UBAC2: variants seen among roughly 807,000 people sequenced by gnomAD.
UBAC2 encodes UBA domain containing 2.
UBAC2 carries 26 observed loss-of-function variants against 44.0 expected under a neutral mutation model. The ratio of observed to expected loss-of-function variants is 0.59; its 90% CI spans 0.43 to 0.82. The LOEUF is 0.82. Among genes scored for constraint, UBAC2 ranks in the 40% least tolerant of loss-of-function variants. UBAC2 has a pLI of 0.00. For missense variants in UBAC2, 329 were observed against 419.4 expected, an observed-to-expected ratio of 0.78 and a Z score of 1.88; for synonymous variants, 155 against 154.3, an observed-to-expected ratio of 1.00 and a Z score of -0.04.
intron 6 of UBAC2, among the ~76,000 whole-genome samples, chr13:99,325,433 A>G (rs530238308): frequency 1.3e-5 from 2 of 152,186 alleles, no homozygotes; most frequent in African/African-American, 4.8e-5. Context: ...ATAGCTTTGC[A>G]TAACCACATG....
intron 1 of UBAC2, among the ~76,000 whole-genome samples, chr13:99,222,032 G>A (rs1030078527): frequency 2.0e-5 from 3 of 152,088 alleles, no homozygotes; most frequent in African/African-American, 7.2e-5. Context: ...GTTATTTTGA[G>A]GTTTAAACCG....
chr13:99,316,017 ACACAGCT>A (rs2044484133), intron 5 of UBAC2, among the ~76,000 whole-genome samples: 1 of 151,892 alleles, frequency 6.6e-6, no homozygotes, highest in African/African-American at 2.4e-5. Flanking sequence ...CCACAGTGTT[ACACAGCT>A]CACCATGAGG....
intron 7 of UBAC2, among the ~76,000 whole-genome samples, chr13:99,350,238 T>C (rs1469566195): frequency 6.6e-6 from 1 of 152,376 alleles, no homozygotes; most frequent in Non-Finnish European, 1.5e-5. Context: ...CTGAAACAGT[T>C]GTGCCTTCAG....
At chr13:99,237,215 T>TG (rs2043243951) in intron 1 of UBAC2, among the ~76,000 whole-genome samples, 1 of 149,218 alleles carries the variant, frequency 6.7e-6, no homozygotes, top group Non-Finnish European at 1.5e-5. Context: ...TTCCAATGAA[T>TG]GGGAAAAAAA....
intron 1 of UBAC2, among the ~76,000 whole-genome samples, chr13:99,238,224 C>T (rs1185695006): frequency 1.3e-5 from 2 of 152,198 alleles, no homozygotes; most frequent in East Asian, 1.9e-4. Flanking sequence ...CCTGCTAGGG[C>T]ATTCTGCTTG....
intron 4 of UBAC2, among the ~76,000 whole-genome samples, chr13:99,269,205 G>T (rs1266867962): frequency 6.6e-6 from 1 of 152,164 alleles, no homozygotes; most frequent in African/African-American, 2.4e-5. Context: ...CACAAATGGA[G>T]TGCCTATGAA....
chr13:99,360,272 G>T (rs1375157070), intron 7 of UBAC2, among the ~76,000 whole-genome samples: 1 of 152,152 alleles, frequency 6.6e-6, no homozygotes, highest in Non-Finnish European at 1.5e-5. Flanking sequence ...AAAGTATAAG[G>T]CCAAGTAGTA....
At chr13:99,230,830 C>G (rs901626028) in intron 1 of UBAC2, among the ~76,000 whole-genome samples, 2 of 152,162 alleles carry the variant, frequency 1.3e-5, no homozygotes, top group Non-Finnish European at 2.9e-5. Flanking sequence ...GCGGGTGGAT[C>G]ATGAGGTCAG....
chr13:99,271,913 G>A (rs933465679), intron 4 of UBAC2, among the ~76,000 whole-genome samples: 8 of 152,150 alleles, frequency 5.3e-5, no homozygotes, highest in Non-Finnish European at 8.8e-5. Context: ...CCATTCAAGT[G>A]GGGGTAAATC....
At position 99,340,360 on chromosome 13, in the gene UBAC2, A is replaced by C; in HGVS notation, c.602A>C (p.His201Pro). The change falls in exon 7 of 9, where the codon CAT becomes CCT. Residue 201 changes from histidine (H) to proline (P), a missense_variant. His to Pro is a moderately conservative substitution (Grantham distance 77). Transcript: ENST00000403766. ...TACGACAGCAAAATGTTCCAGGTGC[A>C]TCAGGTGCTCTGCATCCCCAGCTGG... ...LCYDSKMFQV[H>P]QVLCIPSWMA... 6.2e-7 allele frequency: 1 copy of C among 1,614,240 alleles called. No homozygotes were observed. The highest frequency in any genetic ancestry group is 1.3e-5 in the African/African-American group (1 of 75,064).
At chr13:99,356,134 C>T (rs1287272101) in intron 7 of UBAC2, 1 of 533,984 alleles carries the variant, frequency 1.9e-6, no homozygotes. Context: ...TCAGACTGTA[C>T]ACAGTAGAAG....
intron 8 of UBAC2, among the ~76,000 whole-genome samples, chr13:99,384,649 A>C (rs1183226484): frequency 6.6e-6 from 1 of 152,224 alleles, no homozygotes; most frequent in Non-Finnish European, 1.5e-5. Flanking sequence ...TAGTCTGAGC[A>C]CCCAAAGGCA....
At chr13:99,304,191 A>G (rs2044297269) in intron 4 of UBAC2, among the ~76,000 whole-genome samples, 1 of 152,118 alleles carries the variant, frequency 6.6e-6, no homozygotes, top group Non-Finnish European at 1.5e-5. Context: ...CAGGCATGCA[A>G]AATTACTTAG....
Position 99,244,501 on chromosome 13 carries a change from G to T in UBAC2, c.280-14G>T, listed in dbSNP as rs528743570. The T allele has an allele frequency of 1.1e-5, 17 of 1,584,688 alleles. No homozygotes were observed. In the South Asian group the frequency reaches 1.7e-4, roughly 16 times the overall value. ...GACTCATCTCTATCATTTTTCTGCT[G>T]TTTTATTTTGTAGTCCTTTTTGCTG... On this transcript the variant is annotated splice_polypyrimidine_tract_variant and intron_variant, in intron 3 of 8. Transcript: ENST00000403766.
In UBAC2 at chr13:99,340,300, A is replaced by T. The variant is rs374625597; in HGVS notation, c.562-20A>T. On this transcript the variant is annotated intron_variant, in intron 6 of 8. Transcript: ENST00000403766. ...AATAATACTACATTTAAACAATCAC[A>T]TTGGACGTTTTTCTTCTAGATGTCC... 1.9e-6 allele frequency: 3 copies of T among 1,612,022 alleles called. No individual in the cohort carries two copies. The Admixed American group carries it at 5.0e-5, about 27-fold the overall frequency.
chr13:99,277,918 C>T (rs1342561537), intron 4 of UBAC2, among the ~76,000 whole-genome samples: 2 of 152,120 alleles, frequency 1.3e-5, no homozygotes, highest in Non-Finnish European at 2.9e-5. Flanking sequence ...ACATAACGTT[C>T]TTCTAATATC....
At chr13:99,367,331 G>T (rs1188624679) in intron 7 of UBAC2, among the ~76,000 whole-genome samples, 1 of 152,180 alleles carries the variant, frequency 6.6e-6, no homozygotes, top group Non-Finnish European at 1.5e-5. Context: ...GTAGAGCAGG[G>T]GAGCATTTTA....
intron 6 of UBAC2, among the ~76,000 whole-genome samples, chr13:99,336,465 T>A (rs986634001): frequency 6.6e-6 from 1 of 152,214 alleles, no homozygotes; most frequent in Non-Finnish European, 1.5e-5. Flanking sequence ...ATTTCATGAA[T>A]TCTATTTGAG....
intron 4 of UBAC2, among the ~76,000 whole-genome samples, chr13:99,311,317 G>A (rs892549021): frequency 5.3e-5 from 8 of 152,148 alleles, no homozygotes; most frequent in Non-Finnish European, 1.0e-4. Flanking sequence ...TTGAAATGGG[G>A]CAGTCAGGGA....
Sources: gnomAD v4.1 joint callset for allele counts (sites outside exome capture counted in the v4.1 genomes callset) on GRCh38, gnomAD v4.1.1 for gene constraint, MANE v1.5 for transcripts, NCBI Gene and HGNC (gene_info 2026-07-23, HGNC 2026-07-21) for gene names.